Variants in SULT2B1 observed in about 807,000 individuals in gnomAD.
SULT2B1 encodes the protein sulfotransferase 2B1.
In SULT2B1, 16 loss-of-function variants were observed where a neutral mutation model predicts 33.2. The observed-to-expected ratio is 0.48, with a 90% CI of 0.33 to 0.73. SULT2B1 has a LOEUF of 0.73. Among genes scored for constraint, SULT2B1 ranks in the 30% least tolerant of loss-of-function variants. The probability of loss-of-function intolerance (pLI) is 0.02; values close to 1 mark genes in which losing one functional copy is unlikely to be tolerated. For missense variants in SULT2B1, 500 were observed against 506.0 expected, an observed-to-expected ratio of 0.99 and a Z score of 0.11; for synonymous variants, 186 against 200.5, an observed-to-expected ratio of 0.93 and a Z score of 0.61.
chr19:48,585,870 A>G (rs1973554891), intron 2 of SULT2B1, among the ~76,000 whole-genome samples: 2 of 152,150 alleles, frequency 1.3e-5, no homozygotes, highest in Non-Finnish European at 2.9e-5. Context: ...GTGAAAAGTG[A>G]AAAGAGCAGA....
chr19:48,566,683 A>G (rs1321165687), intron 1 of SULT2B1, among the ~76,000 whole-genome samples: 2 of 152,096 alleles, frequency 1.3e-5, no homozygotes, highest in Non-Finnish European at 2.9e-5. Context: ...TTTTACTAAA[A>G]TATAAAAAAT....
intron 1 of SULT2B1, among the ~76,000 whole-genome samples, chr19:48,555,807 T>C (rs1973093438): frequency 6.6e-6 from 1 of 152,036 alleles, no homozygotes; most frequent in South Asian, 2.1e-4. Context: ...TGATGCGAAC[T>C]TGGCTCATTG....
intron 1 of SULT2B1, among the ~76,000 whole-genome samples, chr19:48,558,274 G>T (rs889363312): frequency 4.6e-5 from 7 of 152,192 alleles, no homozygotes; most frequent in Admixed American, 2.0e-4. Flanking sequence ...GGGGAACTTG[G>T]GGATGAGCAA....
intron 1 of SULT2B1, among the ~76,000 whole-genome samples, chr19:48,572,316 C>A (rs143352571): frequency 6.6e-6 from 1 of 152,064 alleles, no homozygotes; most frequent in African/African-American, 2.4e-5. Flanking sequence ...AGACCGAGAC[C>A]ATCCTGGCTA....
chr19:48,563,593 C>T (rs1242070907), intron 1 of SULT2B1, among the ~76,000 whole-genome samples: 2 of 152,150 alleles, frequency 1.3e-5, no homozygotes, highest in African/African-American at 4.8e-5. Context: ...ACATGCAAGA[C>T]TGGGCTGATG....
At chr19:48,595,347 G>A (rs1315803028) in intron 5 of SULT2B1, among the ~76,000 whole-genome samples, 1 of 151,928 alleles carries the variant, frequency 6.6e-6, no homozygotes, top group Non-Finnish European at 1.5e-5. Context: ...CTCCTCTCTG[G>A]CTGTGTGGCC....
At position 48,592,752 on chromosome 19, in the gene SULT2B1, A is replaced by C. The variant is rs1973659834; in HGVS notation, c.581A>C (p.Lys194Thr). The C allele has an allele frequency of 4.4e-6, 7 of 1,599,464 alleles. No individual in the cohort carries two copies. The highest frequency in any genetic ancestry group is 6.0e-6 in the Non-Finnish European group (7 of 1,172,736). ...VQFGSWFDHI[K>T]GWLRMKGKDN... ...TTTGGCTCCTGGTTCGACCACATTA[A>C]GGGCTGGCTTCGGATGAAGGGCAAA... The change falls in exon 5 of 7, where the codon AAG becomes ACG. Residue 194 changes from lysine to threonine, a missense_variant. Lys to Thr is a moderately conservative substitution (Grantham distance 78, BLOSUM62 -1). Coordinates refer to ENST00000201586, the MANE Select transcript of SULT2B1 (RefSeq NM_177973.2).
At chr19:48,555,622 T>C (rs138465960) in intron 1 of SULT2B1, among the ~76,000 whole-genome samples, 4 of 151,238 alleles carry the variant, frequency 2.6e-5, no homozygotes, top group African/African-American at 9.7e-5. Context: ...TGGCTCACAC[T>C]GGAGTGCAGT....
intron 1 of SULT2B1, among the ~76,000 whole-genome samples, chr19:48,564,551 C>CAAA (rs770217698): frequency 8.8e-3 from 504 of 57,502 alleles, no homozygotes; most frequent in Middle Eastern, 0.031. Flanking sequence ...GACTCCGTCT[C>CAAA]AAAAAAAAAA....
At chr19:48,596,646 C>G in intron 5 of SULT2B1, 93 bp from the exon 6 acceptor site, 1 of 1,367,294 alleles carries the variant, frequency 7.3e-7, no homozygotes, top group South Asian at 1.4e-5. Flanking sequence ...TCAGGCAGCC[C>G]CAGGTTAGGA....
At chr19:48,576,359 C>CTTTTCTTTCTTTTATTTT in intron 2 of SULT2B1, among the ~76,000 whole-genome samples, 1 of 96,716 alleles carries the variant, frequency 1.0e-5, no homozygotes, top group African/African-American at 4.3e-5. Flanking sequence ...CTCTACTTCT[C>CTTTTCTTTCTTTTATTTT]TTTTTTTTTT....
chr19:48,587,193 C>T, intron 2 of SULT2B1, 36 bp from the exon 3 acceptor site: 1 of 1,512,932 alleles, frequency 6.6e-7, no homozygotes, highest in African/African-American at 1.4e-5. Context: ...TTCAGCCCTC[C>T]CACACCCAAT....
rs575085170 is a variant in SULT2B1, at chr19:48,598,578, C to A, written c.827-557C>A. 2.0e-5 allele frequency among the ~76,000 whole-genome samples: 3 copies of A among 152,104 alleles called. No homozygotes were observed. In the South Asian group the frequency reaches 6.2e-4, roughly 32 times the overall value. The stretch of plus-strand genomic sequence containing the variant: ...CAGCCTGGGCGACAGAGCGAGACTC[C>A]ATCTCAAAAAGAAAAAAAATGGAAA... On this transcript the variant is annotated intron_variant, in intron 6 of 6. Transcript: ENST00000201586.
intron 4 of SULT2B1, among the ~76,000 whole-genome samples, chr19:48,592,112 T>C (rs1435220188): frequency 6.6e-6 from 1 of 151,772 alleles, no homozygotes; most frequent in Non-Finnish European, 1.5e-5. Context: ...GCTAACATGG[T>C]GAAACCCCGT....
At chr19:48,576,357 C>CTTTTTT (rs59055065) in intron 2 of SULT2B1, among the ~76,000 whole-genome samples, 1 of 114,876 alleles carries the variant, frequency 8.7e-6, no homozygotes, top group Non-Finnish European at 1.7e-5. Context: ...CCCTCTACTT[C>CTTTTTT]TCTTTTTTTT....
intron 5 of SULT2B1, chr19:48,595,668 GTTTTTTT>G (rs144835687): frequency 5.0e-5 from 1 of 20,070 alleles, no homozygotes; most frequent in Admixed American, 8.5e-4. Context: ...TTTTTTTGTT[GTTTTTTT>G]TTTTTTTTTT....
chr19:48,570,036 A>G (rs1973299231), intron 1 of SULT2B1, among the ~76,000 whole-genome samples: 1 of 152,150 alleles, frequency 6.6e-6, no homozygotes, highest in African/African-American at 2.4e-5. Flanking sequence ...GATTAGGACG[A>G]CAACATCATT....
intron 3 of SULT2B1, among the ~76,000 whole-genome samples, chr19:48,587,927 G>A (rs1293450742): frequency 2.1e-5 from 3 of 140,718 alleles, no homozygotes; most frequent in East Asian, 4.2e-4. Flanking sequence ...AAAAAAAGCC[G>A]GTGCTGGCAT....
At chr19:48,566,720 T>C (rs1230748848) in intron 1 of SULT2B1, among the ~76,000 whole-genome samples, 1 of 151,918 alleles carries the variant, frequency 6.6e-6, no homozygotes, top group African/African-American at 2.4e-5. Flanking sequence ...TGTGCTCCTG[T>C]AATCCCAGCT....
Sources: allele counts gnomAD v4.1 joint callset (sites outside exome capture counted in the v4.1 genomes callset), GRCh38; gene constraint gnomAD v4.1.1; transcripts MANE v1.5; gene names NCBI Gene and HGNC (gene_info 2026-07-23, HGNC 2026-07-21).